The following SERPIND1 variants were observed in gnomAD, a reference collection of about 807,000 sequenced individuals.
SERPIND1 encodes serpin family D member 1, also known as heparin cofactor 2.
Under a neutral mutation model 35.0 loss-of-function variants are expected in SERPIND1, and 34 were observed. The observed-to-expected ratio is 0.97, with a 90% CI of 0.74 to 1.29. The LOEUF is 1.29. Ranked by LOEUF, SERPIND1 falls within the 50% of genes most tolerant of loss-of-function variation. The pLI is 0.00. For missense variants in SERPIND1, 633 were observed against 637.7 expected (o/e 0.99, Z 0.08); for synonymous variants, 236 against 241.1 (o/e 0.98, Z 0.19).
intron 1 of SERPIND1, among the ~76,000 whole-genome samples, chr22:20,776,867 T>C (rs1357390201): frequency 1.3e-5 from 2 of 151,920 alleles, no homozygotes; most frequent in Non-Finnish European, 2.9e-5. Flanking sequence ...TCAAGCAGAG[T>C]ATCCGAACAG....
At chr22:20,786,832 G>C (rs1239840358) in intron 4 of SERPIND1, 43 bp from the exon 5 acceptor site, 14 of 1,587,982 alleles carry the variant, frequency 8.8e-6, no homozygotes, top group Non-Finnish European at 1.0e-5. Flanking sequence ...CTAGCCCTCT[G>C]TGTGCTGACC....
intron 1 of SERPIND1, among the ~76,000 whole-genome samples, chr22:20,776,829 TA>T (rs1379771913): frequency 6.6e-6 from 1 of 152,070 alleles, no homozygotes; most frequent in African/African-American, 2.4e-5. Context: ...CAGAGGCCAT[TA>T]TCAACATTAA....
intron 1 of SERPIND1, among the ~76,000 whole-genome samples, chr22:20,776,633 G>C (rs1340560789): frequency 6.6e-6 from 1 of 152,172 alleles, no homozygotes; most frequent in East Asian, 1.9e-4. Flanking sequence ...AAGCATCCTG[G>C]TACTCCAGAG....
At chr22:20,777,141 T>A (rs1170959267) in intron 1 of SERPIND1, among the ~76,000 whole-genome samples, 1 of 151,954 alleles carries the variant, frequency 6.6e-6, no homozygotes, top group Admixed American at 6.6e-5. Flanking sequence ...CAGACTCAAG[T>A]GATCCTCCTA....
rs766303423 is a variant in SERPIND1 at position 20,780,007 on chromosome 22, T to A, written c.695T>A (p.Ile232Asn). 1.2e-6 allele frequency: 2 copies of A among 1,614,174 alleles called. No individual in the cohort carries two copies. The highest frequency in any genetic ancestry group is 1.7e-6 in the Non-Finnish European group (2 of 1,180,038). Residue 232 changes from isoleucine to asparagine, a missense_variant, in exon 2 of 5, where the codon ATC (isoleucine) becomes AAC (asparagine). By Grantham distance (149) the Ile-to-Asn change is moderately radical (BLOSUM62 -3). Transcript: ENST00000215727. Reference protein sequence around the residue: ...NDLYIQKQFPILLDFKTKVRE... With the variant: ...NDLYIQKQFPNLLDFKTKVRE... ...CTTTATATCCAGAAGCAGTTTCCAA[T>A]CCTGCTTGACTTCAAAACTAAAGTA...
intron 1 of SERPIND1, among the ~76,000 whole-genome samples, chr22:20,778,643 G>C (rs5760513): frequency 0.069 from 10,428 of 152,186 alleles, 348 homozygotes; most frequent in East Asian, 0.079. Flanking sequence ...TTTTTCAACA[G>C]CATCTCCATT....
At position 20,787,382 on chromosome 22, in the gene SERPIND1, C is replaced by A; in HGVS notation, c.*316C>A. The A allele has an allele frequency of 5.0e-6, 2 of 396,860 alleles. No individual in the cohort carries two copies. The highest frequency in any genetic ancestry group is 9.6e-6 in the Non-Finnish European group (2 of 208,736). The allele number at this position is 396,860 out of a possible 1,614,324, so 24.6% of individuals were successfully genotyped here. On this transcript the variant is annotated 3_prime_UTR_variant, in exon 5 of 5. Transcript: ENST00000215727. ...TCCTAAGCACCTCCCGCTCCGGTGA[C>A]CCCATCCTTGCACACCTGACTCTGT...
At chr22:20,785,386 T>C (rs1374585663) in intron 3 of SERPIND1, among the ~76,000 whole-genome samples, 2 of 152,316 alleles carry the variant, frequency 1.3e-5, no homozygotes, top group East Asian at 3.9e-4. Flanking sequence ...GACTTTTAAT[T>C]GAGATCTTAC....
At chr22:20,780,801 C>T (rs567159201) in intron 2 of SERPIND1, among the ~76,000 whole-genome samples, 7 of 94,398 alleles carry the variant, frequency 7.4e-5, no homozygotes, top group South Asian at 3.2e-4. Context: ...AGAAGTAAAA[C>T]GATGCTCCAA....
chr22:20,777,551 G>C (rs1187911508), intron 1 of SERPIND1, among the ~76,000 whole-genome samples: 7 of 152,132 alleles, frequency 4.6e-5, no homozygotes, highest in Admixed American at 4.6e-4. Context: ...ATGAGGTCTT[G>C]CTATGTTGCC....
Position 20,779,993 on chromosome 22 carries a change from G to C in SERPIND1, c.681G>C (p.Gln227His), listed in dbSNP as rs767630078. Residue 227 changes from glutamine to histidine, a missense_variant, in exon 2 of 5, where the codon CAG (glutamine) becomes CAC (histidine). By Grantham distance (24) the Gln-to-His change is conservative. Coordinates refer to ENST00000215727, the MANE Select transcript of SERPIND1 (RefSeq NM_000185.4). The part of the protein sequence containing the change: ...TLRSVNDLYI[Q>H]KQFPILLDFK... ...GGTCAGTCAATGACCTTTATATCCA[G>C]AAGCAGTTTCCAATCCTGCTTGACT... 4 of 1,614,136 alleles carry C rather than the reference G, an allele frequency of 2.5e-6. No homozygotes were observed. The South Asian group carries it at 4.4e-5, about 18-fold the overall frequency.
chr22:20,779,273 A>C, intron 1 of SERPIND1, 24 bp from the exon 2 acceptor site: 1 of 1,613,222 alleles, frequency 6.2e-7, no homozygotes, highest in Non-Finnish European at 8.5e-7. Flanking sequence ...GCCGCCTTTC[A>C]CTGTGTTCTG....
At position 20,786,979 on chromosome 22, in the gene SERPIND1, C is replaced by T. The variant is rs148607413; in HGVS notation, c.1413C>T (p.Val471=). The change falls in exon 5 of 5, where the codon GTC becomes GTT. Residue 471 remains valine (V), a synonymous_variant. Coordinates refer to ENST00000215727, the MANE Select transcript of SERPIND1 (RefSeq NM_000185.4). ...MPLSTQVRFT[V]DRPFLFLIYE... is the part of the protein sequence containing the mutation. ...TGTCCACCCAAGTCCGCTTCACTGT[C>T]GACCGCCCCTTTCTTTTCCTCATCT... 7.1e-5 allele frequency: 114 copies of T among 1,614,082 alleles called. No individual in the cohort carries two copies. The highest frequency in any genetic ancestry group is 9.3e-5 in the African/African-American group (7 of 74,904).
At chr22:20,782,710 G>A (rs996567878) in intron 2 of SERPIND1, among the ~76,000 whole-genome samples, 7 of 152,162 alleles carry the variant, frequency 4.6e-5, no homozygotes, top group African/African-American at 1.4e-4. Flanking sequence ...GGGGGTTGGA[G>A]TAAGCATTAC....
chr22:20,777,427 A>G (rs927229945), intron 1 of SERPIND1, among the ~76,000 whole-genome samples: 6 of 152,074 alleles, frequency 3.9e-5, no homozygotes, highest in Non-Finnish European at 5.9e-5. Flanking sequence ...CATGTTGGCC[A>G]GGCTGGTCTC....
chr22:20,779,901 A>G lies in SERPIND1; in HGVS notation c.589A>G (p.Thr197Ala). 2 of 1,614,238 alleles carry G rather than the reference A, an allele frequency of 1.2e-6. No individual in the cohort carries two copies. Among genetic ancestry groups the G allele is most frequent in the Non-Finnish European group, 1.7e-6 (2 of 1,180,048 alleles). Residue 197 changes from threonine to alanine, a missense_variant, in exon 2 of 5, where the codon ACC becomes GCC. By Grantham distance (58) the Thr-to-Ala change is moderately conservative. Transcript: ENST00000215727. ...TGCCAGCAGCAAGTATGAAATCACG[A>G]CCATTCATAATCTCTTCCGTAAGCT... ...VNASSKYEIT[T>A]IHNLFRKLTH...
chr22:20,785,410 T>G (rs1042527661), intron 3 of SERPIND1, among the ~76,000 whole-genome samples: 2 of 152,326 alleles, frequency 1.3e-5, no homozygotes, highest in South Asian at 2.1e-4. Context: ...GTGCAAGGTA[T>G]GAGCTAGGTA....
intron 1 of SERPIND1, chr22:20,779,035 GGTTA>G: frequency 1.5e-6 from 1 of 657,220 alleles, no homozygotes; most frequent in Non-Finnish European, 2.4e-6. Context: ...GATTCTAGAA[GGTTA>G]GTTTTGCAAA....
In SERPIND1 at chr22:20,779,307, G is replaced by A. The variant is rs751332945; in HGVS notation, c.-6G>A. On this transcript the variant is annotated 5_prime_UTR_variant, in exon 2 of 5. Coordinates refer to ENST00000215727, the MANE Select transcript of SERPIND1 (RefSeq NM_000185.4). ...TGTTTTCCCTCCCAGCTTTAGCTCC[G>A]CCAAAATGAAACACTCATTAAACGC... is the stretch of plus-strand genomic sequence containing the variant. 17 of 1,613,952 alleles carry A rather than the reference G, an allele frequency of 1.1e-5. No homozygotes were observed. The highest frequency in any genetic ancestry group is 1.6e-4 in the Middle Eastern group (1 of 6,084).
Sources: allele counts gnomAD v4.1 joint callset (sites outside exome capture counted in the v4.1 genomes callset), GRCh38; gene constraint gnomAD v4.1.1; transcripts MANE v1.5; gene names NCBI Gene and HGNC (gene_info 2026-07-23, HGNC 2026-07-21).